Variants in TEX30 observed in about 807,000 individuals in gnomAD.
TEX30 encodes the protein testis-expressed protein 30.
A neutral mutation model predicts 23.8 loss-of-function variants in TEX30; 14 were observed. The observed-to-expected ratio is 0.59, with a 90% CI of 0.39 to 0.92. The LOEUF (loss-of-function observed/expected upper bound fraction) is 0.92, where lower values mean the gene tolerates loss of function less well. TEX30 is among the 40% of genes least tolerant of loss of function. TEX30 has a pLI of 0.00. For missense variants in TEX30, 246 were observed against 270.6 expected, an observed-to-expected ratio of 0.91 and a Z score of 0.64; for synonymous variants, 78 against 90.2, an observed-to-expected ratio of 0.87 and a Z score of 0.76.
chr13:102,769,529 T>C lies in TEX30; in HGVS notation c.28A>G (p.Ile10Val). 1 of 1,584,616 alleles carries C rather than the reference T, an allele frequency of 6.3e-7. No homozygotes were observed. The highest frequency in any genetic ancestry group is 8.6e-7 in the Non-Finnish European group (1 of 1,165,858). MSHTEVKLK[I>V]PFGNKLLDAV... Reference sequence around the variant, plus strand: ...TCTAGTAATTTATTTCCAAAAGGTATTTTTAATTTAACCTGGAATTCAAGA... The same window carrying C: ...TCTAGTAATTTATTTCCAAAAGGTACTTTTAATTTAACCTGGAATTCAAGA... The change falls in exon 3 of 6, where the codon ATA (isoleucine) becomes GTA (valine). Residue 10 changes from isoleucine (I) to valine (V), a missense_variant. Ile to Val is a conservative substitution (Grantham distance 29). Transcript: ENST00000376032.
At chr13:102,766,815 G>A (rs537313988) in intron 5 of TEX30, among the ~76,000 whole-genome samples, 64 of 152,182 alleles carry the variant, frequency 4.2e-4, no homozygotes, top group African/African-American at 1.5e-3. Flanking sequence ...AAAATAAATT[G>A]GAATAAAAAA....
chr13:102,772,756 G>C (rs547175806), intron 1 of TEX30, among the ~76,000 whole-genome samples: 1 of 152,160 alleles, frequency 6.6e-6, no homozygotes, highest in African/African-American at 2.4e-5. Context: ...TAGTAGAGAC[G>C]GGGTTTCACC....
chr13:102,767,530 G>A, intron 4 of TEX30, 52 bp from the exon 5 acceptor site: 1 of 1,570,612 alleles, frequency 6.4e-7, no homozygotes. Context: ...TTCACATAAA[G>A]TAGCAGTGAT....
At chr13:102,770,679 C>T (rs997057524) in intron 1 of TEX30, 10 of 152,180 alleles carry the variant, frequency 6.6e-5, no homozygotes, top group African/African-American at 2.2e-4. Flanking sequence ...AACTTTCACC[C>T]TCAGCCATGA....
chr13:102,766,317 C>T lies in TEX30; in HGVS notation c.*84G>A, dbSNP rs1031938489. The T allele has an allele frequency of 1.7e-6, 2 of 1,176,772 alleles. No homozygotes were observed. Among genetic ancestry groups the T allele is most frequent in the Non-Finnish European group, 2.4e-6 (2 of 850,106 alleles). The allele number at this position is 1,176,772 out of a possible 1,614,324, so 72.9% of individuals were successfully genotyped here. A position where few individuals can be genotyped will look rare whatever the true frequency, so the allele number is the denominator to read the frequency against. On this transcript the variant is annotated 3_prime_UTR_variant, in exon 6 of 6. Transcript: ENST00000376032. ...GAACATTAAAGAACATCAAATTAGTCTGAAATATATCTCACAATGCTGAGA... is the reference window on the plus strand; with the variant it reads ...GAACATTAAAGAACATCAAATTAGTTTGAAATATATCTCACAATGCTGAGA...
chr13:102,767,640 C>G (rs113359335), intron 4 of TEX30, among the ~76,000 whole-genome samples, 162 bp from the exon 5 acceptor site: 5 of 151,834 alleles, frequency 3.3e-5, no homozygotes, highest in Non-Finnish European at 7.4e-5. Flanking sequence ...AGGCCAGGCA[C>G]GGTGGCTCAC....
At chr13:102,768,349 A>G in intron 3 of TEX30, 38 bp from the exon 4 acceptor site, 1 of 1,465,634 alleles carries the variant, frequency 6.8e-7, no homozygotes, top group Non-Finnish European at 9.3e-7. Flanking sequence ...TTCACCTATA[A>G]AATATTCCAC....
chr13:102,773,566 C>G (rs1297111087), intron 1 of TEX30, 116 bp downstream of exon 1: 1 of 152,012 alleles, frequency 6.6e-6, no homozygotes, highest in Admixed American at 6.5e-5. Flanking sequence ...CCAGACGCCC[C>G]TGAGGAGTGA....
intron 1 of TEX30, among the ~76,000 whole-genome samples, chr13:102,772,143 A>AT (rs112612448): frequency 0.02 from 2,849 of 142,912 alleles, 26 homozygotes; most frequent in East Asian, 0.055. Context: ...ATGCTTCCCT[A>AT]TTTTTTTTTT....
At chr13:102,767,222 T>C (rs781303878) in intron 5 of TEX30, 51 bp downstream of exon 5, 5 of 1,564,244 alleles carry the variant, frequency 3.2e-6, no homozygotes, top group Non-Finnish European at 4.4e-6. Flanking sequence ...TCCCAAGATA[T>C]GTCTGCCTTT....
At chr13:102,769,818 C>G (rs1877190591) in intron 2 of TEX30, 194 bp downstream of exon 2, 11 of 529,538 alleles carry the variant, frequency 2.1e-5, no homozygotes, top group Non-Finnish European at 3.2e-5. Flanking sequence ...GATTAAGTAA[C>G]TTGCCCAAGG....
At chr13:102,769,702 C>T (rs1428089550) in intron 2 of TEX30, 161 bp from the exon 3 acceptor site, 9 of 572,466 alleles carry the variant, frequency 1.6e-5, no homozygotes, top group East Asian at 9.1e-5. Flanking sequence ...CTTACTGTGT[C>T]GGGTATTATT....
chr13:102,766,611 A>C, intron 5 of TEX30, 31 bp from the exon 6 acceptor site: 1 of 1,588,944 alleles, frequency 6.3e-7, no homozygotes, highest in Non-Finnish European at 8.6e-7. Context: ...ATACTAGACT[A>C]ATGTTCTGTT....
intron 4 of TEX30, 150 bp downstream of exon 4, chr13:102,768,110 T>C: frequency 1.7e-6 from 1 of 603,852 alleles, no homozygotes; most frequent in Non-Finnish European, 2.9e-6. Flanking sequence ...TCTAAGTATA[T>C]AAAGTGCTTT....
intron 4 of TEX30, 110 bp downstream of exon 4, chr13:102,768,150 C>CA (rs931073062): frequency 1.2e-4 from 112 of 962,164 alleles, no homozygotes; most frequent in East Asian, 3.6e-4. Context: ...ACCAAAACAA[C>CA]AAAAAAAATC....
rs750712281 is a variant in TEX30, at chr13:102,768,297, T to G, written c.261A>C (p.Thr87=). ...AYKSVLNYLK[T]SGEYKLAGVF... The stretch of plus-strand genomic sequence containing the variant: ...CACCTGCAAGTTTGTATTCTCCTGA[T>G]GTCTTCAGGTAATTCTAGAAAAATA... Residue 87 remains threonine (T), a synonymous_variant, in exon 4 of 6, where the codon ACA becomes ACC. Transcript: ENST00000376032. 1 of 1,601,290 alleles carries G rather than the reference T, an allele frequency of 6.2e-7. No individual in the cohort carries two copies. Among genetic ancestry groups the G allele is most frequent in the South Asian group, 1.1e-5 (1 of 88,552 alleles).
Position 102,769,323 on chromosome 13 carries a change from A to G in TEX30, c.234T>C (p.Tyr78=), listed in dbSNP as rs1378231774. Residue 78 remains tyrosine, a synonymous_variant, in exon 3 of 6, where the codon TAT becomes TAC. Transcript: ENST00000376032. ...GLNIVHRIKA[Y]KSVLNYLKTS... is the part of the protein sequence containing the mutation. ...GAAATTTTCTTACCAAAACTGATTTATACGCCTTAATTCTATGTACAATAT... is the reference window on the plus strand; with the variant it reads ...GAAATTTTCTTACCAAAACTGATTTGTACGCCTTAATTCTATGTACAATAT... The G allele has an allele frequency of 6.5e-7, 1 of 1,529,478 alleles. No individual in the cohort carries two copies. Among genetic ancestry groups the G allele is most frequent in the Non-Finnish European group, 8.7e-7 (1 of 1,146,066 alleles). The allele number at this position is 1,529,478 out of a possible 1,614,324, so 94.7% of individuals were successfully genotyped here. A position where few individuals can be genotyped will look rare whatever the true frequency, so the allele number is the denominator to read the frequency against.
Position 102,766,893 on chromosome 13 carries a change from A to C in TEX30, c.505-313T>G, listed in dbSNP as rs185443226. On this transcript the variant is annotated intron_variant, in intron 5 of 5. Coordinates refer to ENST00000376032, the MANE Select transcript of TEX30 (RefSeq NM_138779.5). ...CCTGGGGAATATAAAGTTGTTTCAT[A>C]ATATTGGGCTAATATTTAGTAATGT... Among the ~76,000 whole-genome samples the C allele has an allele frequency of 2.3e-3, 352 of 152,340 alleles. 1 individual carries two copies. Among genetic ancestry groups the C allele is most frequent in the African/African-American group, 8.0e-3 (334 of 41,582 alleles).
At chr13:102,770,942 C>T (rs1877273947) in intron 1 of TEX30, 1 of 152,176 alleles carries the variant, frequency 6.6e-6, no homozygotes, top group Non-Finnish European at 1.5e-5. Flanking sequence ...ATCTCCATTA[C>T]TCACCCATTT....
Sources: gnomAD v4.1 joint callset for allele counts (sites outside exome capture counted in the v4.1 genomes callset) on GRCh38, gnomAD v4.1.1 for gene constraint, MANE v1.5 for transcripts, NCBI Gene and HGNC (gene_info 2026-07-23, HGNC 2026-07-21) for gene names.